The following NCKAP5 variants were observed in gnomAD, a reference collection of about 807,000 sequenced individuals.
NCKAP5 encodes the protein nck-associated protein 5.
In NCKAP5, 92 loss-of-function variants were observed where a neutral mutation model predicts 167.0. The ratio of observed to expected loss-of-function variants is 0.55; its 90% CI spans 0.47 to 0.66. The LOEUF (loss-of-function observed/expected upper bound fraction) is 0.66. Ranked by LOEUF, NCKAP5 falls within the 30% of genes least tolerant of loss-of-function variation. The pLI is 0.00. For missense variants in NCKAP5, 2,378 were observed against 2,315.0 expected, an observed-to-expected ratio of 1.03 and a Z score of -0.56; for synonymous variants, 891 against 877.4, an observed-to-expected ratio of 1.02 and a Z score of -0.27.
At chr2:132,725,571 T>A in intron 19 of NCKAP5, 56 bp downstream of exon 19, 1 of 1,553,938 alleles carries the variant, frequency 6.4e-7, no homozygotes, top group East Asian at 2.3e-5. Context: ...AAAGGTATAA[T>A]CAGCGGCTTC....
intron 4 of NCKAP5, among the ~76,000 whole-genome samples, chr2:133,222,674 G>A (rs1011815680): frequency 2.7e-5 from 4 of 147,350 alleles, no homozygotes; most frequent in South Asian, 2.3e-4. Flanking sequence ...TAGGGCCCCC[G>A]GAGGCTCCTG....
At chr2:133,122,903 A>C (rs1045276530) in intron 6 of NCKAP5, 1 of 152,224 alleles carries the variant, frequency 6.6e-6, no homozygotes, top group South Asian at 2.1e-4. Flanking sequence ...CATAAAAAGC[A>C]TTATAAAACT....
chr2:133,100,785 A>C lies in NCKAP5; in HGVS notation c.341+29193T>G, dbSNP rs539975687. ...TGGAAAAAAAAAACTTTTGTCTCAA[A>C]ATATTTCCTTACAATGGTTTTCCCA... On this transcript the variant is annotated intron_variant, in intron 6 of 19. Transcript: ENST00000409261. Among the ~76,000 whole-genome samples, 16 of 152,304 alleles carry C rather than the reference A, an allele frequency of 1.1e-4. 1 individual carries two copies. In the South Asian group the frequency reaches 3.3e-3, roughly 32 times the overall value.
intron 3 of NCKAP5, among the ~76,000 whole-genome samples, chr2:133,388,183 T>C (rs1174469431): frequency 1.3e-5 from 2 of 152,216 alleles, no homozygotes; most frequent in Admixed American, 1.3e-4. Context: ...TTATCTACCT[T>C]TGGTCTTTGA....
At chr2:133,493,158 C>T (rs1001496468) in intron 3 of NCKAP5, among the ~76,000 whole-genome samples, 1 of 152,184 alleles carries the variant, frequency 6.6e-6, no homozygotes, top group African/African-American at 2.4e-5. Context: ...CTAACAGACT[C>T]GCTCAGCGAC....
intron 6 of NCKAP5, among the ~76,000 whole-genome samples, chr2:133,018,431 A>G (rs2149383841): frequency 6.6e-6 from 1 of 152,356 alleles, no homozygotes; most frequent in South Asian, 2.1e-4. Context: ...AGTGCAAAGT[A>G]GTTAGGACAA....
the NCKAP5 span, among the ~76,000 whole-genome samples, chr2:133,603,206 G>GC: frequency 1.4e-5 from 2 of 142,762 alleles, no homozygotes; most frequent in Non-Finnish European, 3.0e-5. Flanking sequence ...GATGGCATCG[G>GC]TTTTTTTTTT....
intron 19 of NCKAP5, among the ~76,000 whole-genome samples, chr2:132,677,588 G>A (rs1420770914): frequency 2.0e-5 from 3 of 151,908 alleles, no homozygotes. Context: ...TAAGGAGGAG[G>A]GAGGGAATTC....
At chr2:133,484,443 G>A (rs1327907439) in intron 3 of NCKAP5, among the ~76,000 whole-genome samples, 1 of 152,102 alleles carries the variant, frequency 6.6e-6, no homozygotes, top group Non-Finnish European at 1.5e-5. Flanking sequence ...CCCAATGCAG[G>A]GGAAACGATG....
intron 3 of NCKAP5, among the ~76,000 whole-genome samples, chr2:133,383,700 A>G (rs1686703271): frequency 6.6e-6 from 1 of 152,084 alleles, no homozygotes; most frequent in Non-Finnish European, 1.5e-5. Context: ...AAGTGTTCCT[A>G]TTTCTCCACA....
intron 2 of NCKAP5, among the ~76,000 whole-genome samples, chr2:133,546,437 T>C (rs1000207260): frequency 6.6e-6 from 1 of 152,206 alleles, no homozygotes; most frequent in Non-Finnish European, 1.5e-5. Context: ...CTCTGTGTGA[T>C]AAACCTGCCG....
the NCKAP5 span, among the ~76,000 whole-genome samples, chr2:133,673,505 CTG>C: frequency 2.0e-5 from 3 of 152,174 alleles, no homozygotes; most frequent in East Asian, 3.9e-4. Context: ...GCGTATACTA[CTG>C]TGTGTGTGAG....
chr2:133,544,479 C>T (rs1437585368), intron 2 of NCKAP5, among the ~76,000 whole-genome samples: 2 of 152,072 alleles, frequency 1.3e-5, no homozygotes, highest in African/African-American at 4.8e-5. Context: ...ATTTTTTCCC[C>T]ACTTAATAAT....
At chr2:132,707,842 C>T (rs575869933) in intron 19 of NCKAP5, among the ~76,000 whole-genome samples, 1 of 152,128 alleles carries the variant, frequency 6.6e-6, no homozygotes, top group African/African-American at 2.4e-5. Flanking sequence ...CTTTGTCTTG[C>T]AACTTAGATA....
intron 3 of NCKAP5, among the ~76,000 whole-genome samples, chr2:133,497,644 G>A (rs983128774): frequency 6.6e-6 from 1 of 152,206 alleles, no homozygotes; most frequent in South Asian, 2.1e-4. Context: ...GTAACAGAAA[G>A]CTGCTTCAAA....
intron 6 of NCKAP5, among the ~76,000 whole-genome samples, chr2:133,079,685 T>C (rs2080737478): frequency 6.6e-6 from 1 of 152,188 alleles, no homozygotes; most frequent in African/African-American, 2.4e-5. Flanking sequence ...AATTCCAAAG[T>C]AATTGCTAAT....
intron 3 of NCKAP5, among the ~76,000 whole-genome samples, chr2:133,494,023 AG>A (rs963785147): frequency 6.6e-6 from 1 of 151,832 alleles, no homozygotes; most frequent in Non-Finnish European, 1.5e-5. Context: ...TGGGTTTGTG[AG>A]AAAAAGTTGG....
intron 5 of NCKAP5, among the ~76,000 whole-genome samples, chr2:133,162,324 G>T (rs1250795631): frequency 6.6e-6 from 1 of 152,200 alleles, no homozygotes; most frequent in East Asian, 1.9e-4. Flanking sequence ...CTGTGCTAGA[G>T]ATTAACGATC....
intron 3 of NCKAP5, among the ~76,000 whole-genome samples, chr2:133,323,847 T>C (rs1682242338): frequency 6.6e-6 from 1 of 152,210 alleles, no homozygotes; most frequent in Admixed American, 6.5e-5. Flanking sequence ...TCCTAATGTT[T>C]TTCTACAAGA....
Sources: allele counts gnomAD v4.1 joint callset (sites outside exome capture counted in the v4.1 genomes callset), GRCh38; gene constraint gnomAD v4.1.1; transcripts MANE v1.5; gene names NCBI Gene and HGNC (gene_info 2026-07-23, HGNC 2026-07-21).